The following KCTD20 variants were observed in gnomAD, a reference collection of about 807,000 sequenced individuals.
KCTD20 encodes the protein BTB/POZ domain-containing protein KCTD20.
A neutral mutation model predicts 39.6 loss-of-function variants in KCTD20; 30 were observed. That is an observed-to-expected ratio of 0.76 (90% CI 0.57 to 1.03). The LOEUF (loss-of-function observed/expected upper bound fraction) is 1.03. Among genes scored for constraint, KCTD20 ranks in the 50% least tolerant of loss-of-function variants. KCTD20 has a pLI of 0.00. For synonymous variants in KCTD20, 162 were observed against 180.6 expected (o/e 0.90, Z 0.83); for missense variants, 422 against 522.0 (o/e 0.81, Z 1.87).
Position 36,474,790 on chromosome 6 carries a change from C to G in KCTD20, c.162C>G (p.Asp54Glu). Residue 54 changes from aspartate to glutamate, a missense_variant and splice_region_variant, in exon 3 of 8, where the codon GAC (aspartate) becomes GAG (glutamate). By Grantham distance (45) the Asp-to-Glu change is conservative. Coordinates refer to ENST00000373731, the MANE Select transcript of KCTD20 (RefSeq NM_173562.5). The part of the protein sequence containing the change: ...LTYPLGPRNE[D>E]LSLDYASQPA... Reference sequence around the variant, plus strand: ...TGGTTTCTTTGTATGTTCTTTTAGACCTCTCACTTGACTATGCCTCTCAGC... The same window carrying G: ...TGGTTTCTTTGTATGTTCTTTTAGAGCTCTCACTTGACTATGCCTCTCAGC... 6.3e-7 allele frequency: 1 copy of G among 1,599,258 alleles called. No homozygotes were observed. The highest frequency in any genetic ancestry group is 8.5e-7 in the Non-Finnish European group (1 of 1,171,310).
chr6:36,472,216 GTTGCCTGTGGGTTACCTGGTGA>G (rs1224245374), intron 2 of KCTD20, among the ~76,000 whole-genome samples: 8 of 152,168 alleles, frequency 5.3e-5, no homozygotes, highest in Admixed American at 1.3e-4. Context: ...ATCAAAGTGG[GTTGCCTGTGGGTTACCTGGTGA>G]TTGCCTGTGA....
chr6:36,462,813 T>A (rs907408912), intron 1 of KCTD20, among the ~76,000 whole-genome samples: 1 of 152,198 alleles, frequency 6.6e-6, no homozygotes, highest in Non-Finnish European at 1.5e-5. Context: ...CCTAGACAAT[T>A]TTAGTAACCT....
intron 1 of KCTD20, among the ~76,000 whole-genome samples, chr6:36,449,599 A>G (rs1775175024): frequency 6.6e-6 from 1 of 152,176 alleles, no homozygotes; most frequent in Admixed American, 6.5e-5. Context: ...TGCGTTTACA[A>G]TCCTTTAGGC....
chr6:36,451,362 TAAAAG>T (rs992688654), intron 1 of KCTD20, among the ~76,000 whole-genome samples: 1 of 152,254 alleles, frequency 6.6e-6, no homozygotes, highest in Non-Finnish European at 1.5e-5. Flanking sequence ...AATAACTTTT[TAAAAG>T]AAAAGTCACG....
intron 6 of KCTD20, among the ~76,000 whole-genome samples, chr6:36,484,324 G>A (rs1295128000): frequency 6.6e-6 from 1 of 152,096 alleles, no homozygotes; most frequent in Non-Finnish European, 1.5e-5. Context: ...CAGATTGTTA[G>A]TTTTTTACTT....
chr6:36,455,600 T>TGG (rs1283113739), intron 1 of KCTD20, among the ~76,000 whole-genome samples: 1 of 144,292 alleles, frequency 6.9e-6, no homozygotes, highest in East Asian at 1.9e-4. Flanking sequence ...CAGTAGTGTG[T>TGG]GTGTGTGTGT....
chr6:36,482,027 C>T (rs955470316), intron 6 of KCTD20, among the ~76,000 whole-genome samples: 6 of 152,136 alleles, frequency 3.9e-5, no homozygotes, highest in Admixed American at 2.0e-4. Flanking sequence ...TCTCTTAATT[C>T]ATTTTAAATC....
chr6:36,485,082 G>A (rs1352767138), intron 7 of KCTD20, among the ~76,000 whole-genome samples: 1 of 152,226 alleles, frequency 6.6e-6, no homozygotes, highest in Non-Finnish European at 1.5e-5. Context: ...AAGGACAGTG[G>A]TAGGGAGATA....
At chr6:36,446,048 CAG>C (rs1385051440) in intron 1 of KCTD20, among the ~76,000 whole-genome samples, 9 of 6,092 alleles carry the variant, frequency 1.5e-3, no homozygotes, top group African/African-American at 4.1e-3. Flanking sequence ...TCTTTTGAGA[CAG>C]AGTTTCGCTC....
chr6:36,485,405 C>T (rs1047513915), intron 7 of KCTD20, among the ~76,000 whole-genome samples: 1 of 151,928 alleles, frequency 6.6e-6, no homozygotes, highest in Non-Finnish European at 1.5e-5. Context: ...TGGCTCCCAA[C>T]CTGTGGTCCC....
At chr6:36,483,263 C>CT (rs766717414) in intron 6 of KCTD20, among the ~76,000 whole-genome samples, 5,652 of 76,638 alleles carry the variant, frequency 0.074, 458 homozygotes, top group African/African-American at 0.23. Context: ...GTGGCTTTTT[C>CT]TTTTTTTTTT....
intron 1 of KCTD20, among the ~76,000 whole-genome samples, chr6:36,460,327 C>CCCCT (rs35203667): frequency 6.6e-6 from 1 of 151,256 alleles, no homozygotes; most frequent in Non-Finnish European, 1.5e-5. Context: ...TTTTTTTTCC[C>CCCCT]GAGACTGAGC....
intron 1 of KCTD20, among the ~76,000 whole-genome samples, chr6:36,450,413 G>C (rs1441154950): frequency 6.6e-6 from 1 of 151,026 alleles, no homozygotes; most frequent in Non-Finnish European, 1.5e-5. Context: ...GCTTGAACCT[G>C]GGAGGCAGAG....
chr6:36,457,640 G>C (rs1359228344), intron 1 of KCTD20, among the ~76,000 whole-genome samples: 1 of 152,130 alleles, frequency 6.6e-6, no homozygotes, highest in Non-Finnish European at 1.5e-5. Flanking sequence ...CTTGAGCCCA[G>C]GAGTTGGAGA....
At chr6:36,483,690 T>A (rs150346991) in intron 6 of KCTD20, among the ~76,000 whole-genome samples, 12 of 152,134 alleles carry the variant, frequency 7.9e-5, no homozygotes, top group Admixed American at 3.3e-4. Context: ...ATTTTTTTTT[T>A]AATTTTGTGT....
intron 1 of KCTD20, among the ~76,000 whole-genome samples, chr6:36,453,321 A>G (rs1448384513): frequency 6.6e-6 from 1 of 150,602 alleles, no homozygotes; most frequent in Non-Finnish European, 1.5e-5. Context: ...CTTTTGTTTT[A>G]TTTTGTTTTG....
intron 1 of KCTD20, among the ~76,000 whole-genome samples, chr6:36,458,347 T>C (rs1763971125): frequency 6.6e-6 from 1 of 151,854 alleles, no homozygotes. Context: ...GAGACCAGCC[T>C]GACCAACATG....
intron 1 of KCTD20, among the ~76,000 whole-genome samples, chr6:36,446,028 T>TTTTTTTG (rs889365501): frequency 6.8e-6 from 1 of 146,696 alleles, no homozygotes; most frequent in African/African-American, 2.5e-5. Flanking sequence ...AACTCAGTTT[T>TTTTTTTG]TTTTTTTTTT....
intron 2 of KCTD20, among the ~76,000 whole-genome samples, chr6:36,473,342 G>A (rs886496555): frequency 1.3e-5 from 2 of 151,936 alleles, no homozygotes; most frequent in Non-Finnish European, 2.9e-5. Context: ...GACTACAGGC[G>A]TGAGCCACCG....
Sources: allele counts gnomAD v4.1 joint callset (sites outside exome capture counted in the v4.1 genomes callset), GRCh38; gene constraint gnomAD v4.1.1; transcripts MANE v1.5; gene names NCBI Gene and HGNC (gene_info 2026-07-23, HGNC 2026-07-21).